The following AK7 variants were observed in gnomAD, a reference collection of about 807,000 sequenced individuals.
AK7 encodes ATP-AMP transphosphorylase 7.
A neutral mutation model predicts 96.6 loss-of-function variants in AK7; 78 were observed. The ratio of observed to expected loss-of-function variants is 0.81; its 90% CI spans 0.67 to 0.97. AK7 has a LOEUF of 0.97. Ranked by LOEUF, AK7 falls within the 50% of genes least tolerant of loss-of-function variation. The pLI is 0.00. For missense variants in AK7, 855 were observed against 887.9 expected (o/e 0.96, Z 0.47); for synonymous variants, 302 against 317.2 (o/e 0.95, Z 0.51).
intron 12 of AK7, among the ~76,000 whole-genome samples, chr14:96,466,744 TAC>T (rs1894588729): frequency 6.6e-6 from 1 of 152,020 alleles, no homozygotes; most frequent in Non-Finnish European, 1.5e-5. Flanking sequence ...ACATGAAAAA[TAC>T]ACGGCCGGAG....
intron 7 of AK7, among the ~76,000 whole-genome samples, chr14:96,446,018 A>T (rs1893212103): frequency 6.6e-6 from 1 of 152,224 alleles, no homozygotes; most frequent in South Asian, 2.1e-4. Flanking sequence ...GGCAACTGGG[A>T]TAGGAAAGCA....
chr14:96,456,604 TC>T, intron 11 of AK7, 129 bp downstream of exon 11: 1 of 1,056,596 alleles, frequency 9.5e-7, no homozygotes, highest in Non-Finnish European at 1.4e-6. Flanking sequence ...GTTGGCAACA[TC>T]CAAGGTGTCC....
intron 5 of AK7, among the ~76,000 whole-genome samples, chr14:96,432,866 C>A (rs1388926684): frequency 6.7e-6 from 1 of 150,060 alleles, no homozygotes; most frequent in African/African-American, 2.4e-5. Flanking sequence ...TGTTGGCAGG[C>A]GCCTGTAGTC....
intron 10 of AK7, among the ~76,000 whole-genome samples, chr14:96,454,093 A>G (rs891135458): frequency 3.3e-5 from 5 of 152,172 alleles, no homozygotes; most frequent in African/African-American, 1.2e-4. Context: ...CCGATGGGAC[A>G]GCGCTGCTAG....
chr14:96,456,784 C>T lies in AK7; in HGVS notation c.1227+309C>T, dbSNP rs560830140. ...AAGTGTGTGTTTGTGTCGTCTTCTT[C>T]GTGGCCAACTCAGGGGTCGGGGGAT... is the stretch of plus-strand genomic sequence containing the variant. On this transcript the variant is annotated intron_variant, in intron 11 of 17. Coordinates refer to ENST00000267584, the MANE Select transcript of AK7 (RefSeq NM_152327.5). The T allele has an allele frequency of 1.9e-4, 45 of 242,938 alleles. 1 individual carries two copies. The East Asian group carries it at 3.9e-3, about 21-fold the overall frequency. The allele number at this position is 242,938 out of a possible 1,614,324, so 15.0% of individuals were successfully genotyped here. A position where few individuals can be genotyped will look rare whatever the true frequency, so the allele number is the denominator to read the frequency against.
At chr14:96,418,322 TAAA>T (rs6145458) in intron 4 of AK7, among the ~76,000 whole-genome samples, 1 of 41,810 alleles carries the variant, frequency 2.4e-5, no homozygotes, top group Admixed American at 3.4e-4. Flanking sequence ...AGACCTTGTC[TAAA>T]AAAAAAAAAA....
chr14:96,424,190 G>C (rs1280294146), intron 5 of AK7: 4 of 582,334 alleles, frequency 6.9e-6, no homozygotes, highest in South Asian at 4.8e-5. Flanking sequence ...TCCAGGGCCC[G>C]GACCGCTGTC....
intron 17 of AK7, chr14:96,488,006 G>T (rs771488379): frequency 1.2e-5 from 5 of 402,342 alleles, no homozygotes; most frequent in Admixed American, 3.1e-5. Flanking sequence ...TCCACCTCCC[G>T]GGTTCAAGTG....
intron 9 of AK7, 56 bp downstream of exon 9, chr14:96,449,935 A>G (rs1893493948): frequency 1.5e-6 from 2 of 1,311,308 alleles, no homozygotes; most frequent in Non-Finnish European, 2.1e-6. Flanking sequence ...AATATGGAGT[A>G]TTGTTATTTT....
At chr14:96,471,882 T>C (rs755257978) in intron 13 of AK7, among the ~76,000 whole-genome samples, 1 of 152,190 alleles carries the variant, frequency 6.6e-6, no homozygotes, top group Non-Finnish European at 1.5e-5. Context: ...GGAACAAGCT[T>C]TTAAGTGTGC....
chr14:96,406,670 C>T lies in AK7; in HGVS notation c.403+1805C>T, dbSNP rs543883684. On this transcript the variant is annotated intron_variant, in intron 3 of 17. Coordinates refer to ENST00000267584, the MANE Select transcript of AK7 (RefSeq NM_152327.5). Reference sequence around the variant, plus strand: ...GCACATTCTTAGATTTTGTTTTTCTCGCAATGGATATGTATTCCTTTCTTT... The same window carrying T: ...GCACATTCTTAGATTTTGTTTTTCTTGCAATGGATATGTATTCCTTTCTTT... 3.9e-5 allele frequency among the ~76,000 whole-genome samples: 6 copies of T among 151,954 alleles called. No homozygotes were observed. The South Asian group carries it at 8.3e-4, about 21-fold the overall frequency.
At position 96,475,476 on chromosome 14, in the gene AK7, C is replaced by T. The variant is rs185786015; in HGVS notation, c.1555+2721C>T. On this transcript the variant is annotated intron_variant, in intron 14 of 17. Transcript: ENST00000267584. ...TTCGGGACTGGCTAGTTTGAGTTTA[C>T]GGGTGGTCTCTAGTTGCCTGGGGCC... Among the ~76,000 whole-genome samples, 298 of 152,232 alleles carry T rather than the reference C, an allele frequency of 2.0e-3. 1 individual carries two copies. Among genetic ancestry groups the T allele is most frequent in the Middle Eastern group, 6.8e-3 (2 of 294 alleles).
rs200267184 is a variant in AK7, at chr14:96,419,786, T to TTC, written c.499-1035_499-1034insCT. Among the ~76,000 whole-genome samples, 19 of 126,270 alleles carry TTC rather than the reference T, an allele frequency of 1.5e-4. 1 individual carries two copies. The highest frequency in any genetic ancestry group is 5.0e-4 in the African/African-American group (12 of 23,816). The allele number at this position is 126,270 out of a possible 152,430, so 82.8% of individuals were successfully genotyped here. On this transcript the variant is annotated intron_variant, in intron 4 of 17. Transcript: ENST00000267584. ...TCCTAAAGCATTTTTTTTTCTTTCT[T>TTC]TTCTTTTTTTTTTTTTTTTGAGACA... is the stretch of plus-strand genomic sequence containing the variant.
In AK7 at chr14:96,478,514, GAT is replaced by G; in HGVS notation, c.1607_1608del (p.Ile536LysfsTer4). ...ASDEFLKERVINLPESIVAGT... is the reference protein window; with the variant it reads ...ASDEFLKERVXNLPESIVAGT... The stretch of plus-strand genomic sequence containing the variant: ...CGGATGAGTTTCTGAAGGAGCGTGT[GAT>G]AAACCTTCCTGAGAGCATCGTGGCG... On this transcript the variant is annotated frameshift_variant, in exon 15 of 18. Transcript: ENST00000267584. LOFTEE classifies it high-confidence loss of function. 1 of 1,614,192 alleles carries G rather than the reference GAT, an allele frequency of 6.2e-7. No individual in the cohort carries two copies. Among genetic ancestry groups the G allele is most frequent in the Non-Finnish European group, 8.5e-7 (1 of 1,180,048 alleles).
rs942610530 is a variant in AK7 at position 96,455,115 on chromosome 14, C to T, written c.1099-1232C>T. Reference sequence around the variant, plus strand: ...CCAGGAGGCAGAGGTTGCAGTGAGCCGAGATCATGCCATTGCACTCCAGCT... The same window carrying T: ...CCAGGAGGCAGAGGTTGCAGTGAGCTGAGATCATGCCATTGCACTCCAGCT... On this transcript the variant is annotated intron_variant, in intron 10 of 17. Transcript: ENST00000267584. 2.6e-5 allele frequency among the ~76,000 whole-genome samples: 4 copies of T among 152,000 alleles called. No individual in the cohort carries two copies. In the South Asian group the frequency reaches 6.2e-4, roughly 24 times the overall value.
intron 5 of AK7, among the ~76,000 whole-genome samples, chr14:96,431,357 G>A (rs1471195284): frequency 6.6e-6 from 1 of 152,114 alleles, no homozygotes; most frequent in Non-Finnish European, 1.5e-5. Flanking sequence ...ATGTTAGGGT[G>A]TCAATTTTAG....
intron 14 of AK7, among the ~76,000 whole-genome samples, chr14:96,477,213 C>A (rs1012233256): frequency 6.6e-6 from 1 of 152,218 alleles, no homozygotes; most frequent in Non-Finnish European, 1.5e-5. Context: ...ATTCCACACG[C>A]TGTCTCAGCC....
chr14:96,470,486 G>C (rs547203842), intron 12 of AK7, among the ~76,000 whole-genome samples: 1 of 152,118 alleles, frequency 6.6e-6, no homozygotes, highest in Non-Finnish European at 1.5e-5. Flanking sequence ...GGATATTGTG[G>C]TGGAGTTGCA....
At chr14:96,398,301 G>C (rs751322883) in intron 2 of AK7, 38 bp downstream of exon 2, 2 of 1,604,832 alleles carry the variant, frequency 1.2e-6, no homozygotes, top group Non-Finnish European at 1.7e-6. Flanking sequence ...TAGACAGAGG[G>C]AAGAGTCACC....
Sources: allele counts gnomAD v4.1 joint callset (sites outside exome capture counted in the v4.1 genomes callset), GRCh38; gene constraint gnomAD v4.1.1; transcripts MANE v1.5; gene names NCBI Gene and HGNC (gene_info 2026-07-23, HGNC 2026-07-21).